Variants in DNAI1 observed in about 807,000 individuals in gnomAD.
DNAI1 encodes dynein axonemal intermediate chain 1, also known as dynein, axonemal, intermediate polypeptide 1.
Under a neutral mutation model 92.0 loss-of-function variants are expected in DNAI1, and 67 were observed. The ratio of observed to expected loss-of-function variants is 0.73; its 90% confidence interval spans 0.60 to 0.89. The LOEUF (loss-of-function observed/expected upper bound fraction) is 0.89, where lower values mean the gene tolerates loss of function less well. DNAI1 is among the 40% of genes least tolerant of loss of function. The probability of loss-of-function intolerance (pLI) is 0.00; values close to 1 mark genes in which losing one functional copy is unlikely to be tolerated. For synonymous variants in DNAI1, 323 were observed against 319.6 expected, an observed-to-expected ratio of 1.01 and a Z score of -0.11; for missense variants, 839 against 866.6, an observed-to-expected ratio of 0.97 and a Z score of 0.40.
At chr9:34,501,287 C>T in intron 12 of DNAI1, 106 bp downstream of exon 12, 1 of 961,154 alleles carries the variant, frequency 1.0e-6, no homozygotes, top group South Asian at 1.3e-5. Flanking sequence ...AAGATGACTG[C>T]CCGCAGGGGG....
chr9:34,475,064 A>G (rs1159178582), intron 1 of DNAI1, among the ~76,000 whole-genome samples: 2 of 152,180 alleles, frequency 1.3e-5, no homozygotes, highest in African/African-American at 4.8e-5. Context: ...TTCAACTATA[A>G]ACACTTATTG....
At chr9:34,476,667 T>C (rs1564028765) in intron 1 of DNAI1, among the ~76,000 whole-genome samples, 1 of 151,940 alleles carries the variant, frequency 6.6e-6, no homozygotes, top group Non-Finnish European at 1.5e-5. Context: ...GACATCATGG[T>C]TGGTAGTATT....
At position 34,514,433 on chromosome 9, in the gene DNAI1, G is replaced by A; in HGVS notation, c.1609G>A (p.Asp537Asn). 6.2e-7 allele frequency: 1 copy of A among 1,614,184 alleles called. No homozygotes were observed. Among genetic ancestry groups the A allele is most frequent in the Non-Finnish European group, 8.5e-7 (1 of 1,180,044 alleles). Residue 537 changes from aspartate (D) to asparagine (N), a missense_variant, in exon 17 of 20, where the codon GAC becomes AAC. By Grantham distance (23) the Asp-to-Asn change is conservative (BLOSUM62 1). Coordinates refer to ENST00000242317, the MANE Select transcript of DNAI1 (RefSeq NM_012144.4). ...SYSSQFLDTY[D>N]AHNMSVDTVS... ...CTCCAGCCAATTCCTCGACACCTATGACGCCCACAACATGTCAGTGGACAC... is the reference window on the plus strand; with the variant it reads ...CTCCAGCCAATTCCTCGACACCTATAACGCCCACAACATGTCAGTGGACAC...
At chr9:34,465,748 T>C (rs1824027076) in intron 1 of DNAI1, among the ~76,000 whole-genome samples, 1 of 152,134 alleles carries the variant, frequency 6.6e-6, no homozygotes, top group Admixed American at 6.5e-5. Flanking sequence ...TGCTGAGGAG[T>C]AATGTTGACT....
intron 18 of DNAI1, among the ~76,000 whole-genome samples, chr9:34,516,517 C>A (rs867281513): frequency 6.6e-6 from 1 of 152,218 alleles, no homozygotes; most frequent in South Asian, 2.1e-4. Flanking sequence ...ACTGTCCTTG[C>A]ACTTTACATA....
chr9:34,481,138 G>A (rs989650393), intron 1 of DNAI1, among the ~76,000 whole-genome samples: 1 of 152,170 alleles, frequency 6.6e-6, no homozygotes, highest in Non-Finnish European at 1.5e-5. Flanking sequence ...GGCTACTCGG[G>A]AGGTTGAGGC....
chr9:34,470,468 C>T (rs1439742230), intron 1 of DNAI1, among the ~76,000 whole-genome samples: 2 of 152,268 alleles, frequency 1.3e-5, no homozygotes, highest in South Asian at 2.1e-4. Context: ...GTATCATTAT[C>T]AGACAAAGTA....
chr9:34,482,929 C>G (rs187503751), intron 1 of DNAI1, among the ~76,000 whole-genome samples: 2 of 152,352 alleles, frequency 1.3e-5, no homozygotes, highest in East Asian at 3.9e-4. Flanking sequence ...AGCTAAGGCC[C>G]GGCGAGAAAT....
intron 5 of DNAI1, 35 bp downstream of exon 5, chr9:34,489,484 G>A: frequency 1.2e-6 from 2 of 1,611,626 alleles, no homozygotes; most frequent in Non-Finnish European, 1.7e-6. Flanking sequence ...CTACAGCCCT[G>A]AGCCTGTTCC....
chr9:34,491,588 A>G (rs1824595620), intron 8 of DNAI1, 34 bp downstream of exon 8: 1 of 1,611,288 alleles, frequency 6.2e-7, no homozygotes. Context: ...ACCTCTTACC[A>G]CCCACCTCTA....
intron 4 of DNAI1, chr9:34,488,287 A>T (rs1824513372): frequency 5.7e-6 from 1 of 174,358 alleles, no homozygotes; most frequent in Non-Finnish European, 1.2e-5. Context: ...ATTCAAACCC[A>T]ACTCTGCCTG....
rs145483542 is a variant in DNAI1 at position 34,514,716 on chromosome 9, G to A, written c.1795G>A (p.Ala599Thr). ...AWAPYSSTVFAAVTTDGKAHI... is the reference protein window; with the variant it reads ...AWAPYSSTVFTAVTTDGKAHI... ...GGCGCCATACTCTTCTACTGTGTTC[G>A]CAGCAGTCACCACAGATGGGAAGGT... is the stretch of plus-strand genomic sequence containing the variant. Residue 599 changes from alanine to threonine, a missense_variant, in exon 18 of 20, where the codon GCA becomes ACA. By Grantham distance (58) the Ala-to-Thr change is moderately conservative (BLOSUM62 0). Coordinates refer to ENST00000242317, the MANE Select transcript of DNAI1 (RefSeq NM_012144.4). The A allele has an allele frequency of 2.9e-5, 47 of 1,613,938 alleles. No individual in the cohort carries two copies. The East Asian group carries it at 3.1e-4, about 11-fold the overall frequency.
chr9:34,468,570 A>G (rs1824081955), intron 1 of DNAI1, among the ~76,000 whole-genome samples: 1 of 151,832 alleles, frequency 6.6e-6, no homozygotes, highest in Non-Finnish European at 1.5e-5. Context: ...TCATACCTAT[A>G]ATCCCAGCAC....
At chr9:34,467,466 C>T (rs1262106490) in intron 1 of DNAI1, among the ~76,000 whole-genome samples, 1 of 151,056 alleles carries the variant, frequency 6.6e-6, no homozygotes, top group Non-Finnish European at 1.5e-5. Flanking sequence ...CACACACACA[C>T]ACACACACAC....
At chr9:34,504,468 G>T (rs1824887107) in intron 12 of DNAI1, among the ~76,000 whole-genome samples, 1 of 152,188 alleles carries the variant, frequency 6.6e-6, no homozygotes, top group Non-Finnish European at 1.5e-5. Context: ...TATGTTGTCA[G>T]GTCTCTTTGT....
chr9:34,478,803 A>C (rs1250279958), intron 1 of DNAI1: 2 of 152,256 alleles, frequency 1.3e-5, no homozygotes, highest in African/African-American at 4.8e-5. Context: ...ATAGCATAAG[A>C]ACGCCAAGCT....
chr9:34,493,064 A>C, intron 8 of DNAI1, 130 bp from the exon 9 acceptor site: 2 of 1,251,966 alleles, frequency 1.6e-6, no homozygotes, highest in Non-Finnish European at 2.3e-6. Flanking sequence ...ACCTAATTCC[A>C]ACAGGCCAAG....
chr9:34,486,450 A>G (rs72735239), intron 4 of DNAI1, among the ~76,000 whole-genome samples: 7,543 of 152,210 alleles, frequency 0.05, 271 homozygotes, highest in Non-Finnish European at 0.065. Flanking sequence ...TCTTTAAAAA[A>G]AATTTAAAAT....
In DNAI1 at chr9:34,460,024, C is replaced by T. The variant is rs541614604; in HGVS notation, c.48+971C>T. Among the ~76,000 whole-genome samples, 4 of 152,296 alleles carry T rather than the reference C, an allele frequency of 2.6e-5. No individual in the cohort carries two copies. In the South Asian group the frequency reaches 8.3e-4, roughly 32 times the overall value. ...CACTCTGCCCCAACTATTTCTAGAG[C>T]CTCATATCTCTCTCTTCCCTGCGAG... On this transcript the variant is annotated intron_variant, in intron 1 of 19. Coordinates refer to ENST00000242317, the MANE Select transcript of DNAI1 (RefSeq NM_012144.4).
Sources: allele counts gnomAD v4.1 joint callset (sites outside exome capture counted in the v4.1 genomes callset), GRCh38; gene constraint gnomAD v4.1.1; transcripts MANE v1.5; gene names NCBI Gene and HGNC (gene_info 2026-07-23, HGNC 2026-07-21).